The following MXRA7 variants were observed in gnomAD, a reference collection of about 807,000 sequenced individuals.
MXRA7 encodes the protein matrix-remodeling-associated protein 7.
A neutral mutation model predicts 17.4 loss-of-function variants in MXRA7; 18 were observed. The ratio of observed to expected loss-of-function variants is 1.03; its 90% CI spans 0.71 to 1.53. The LOEUF (loss-of-function observed/expected upper bound fraction) is 1.53. Among genes scored for constraint, MXRA7 ranks in the 40% most tolerant of loss-of-function variants. The pLI, the probability that MXRA7 is intolerant of heterozygous loss-of-function variation, is 0.00. For synonymous variants in MXRA7, 70 were observed against 101.7 expected (o/e 0.69, Z 1.87); for missense variants, 141 against 209.3 (o/e 0.67, Z 2.01).
intron 1 of MXRA7, among the ~76,000 whole-genome samples, chr17:76,701,137 A>G (rs1025070195): frequency 6.6e-6 from 1 of 151,822 alleles, no homozygotes; most frequent in African/African-American, 2.4e-5. Context: ...TTGCTGGAAG[A>G]GCCTGGCAGG....
At chr17:76,684,495 G>A (rs966975325) in intron 3 of MXRA7, among the ~76,000 whole-genome samples, 3 of 152,204 alleles carry the variant, frequency 2.0e-5, no homozygotes, top group Non-Finnish European at 4.4e-5. Flanking sequence ...CAGCAGGATG[G>A]TGTGGAGGGA....
intron 1 of MXRA7, among the ~76,000 whole-genome samples, chr17:76,701,952 G>A (rs1380198833): frequency 6.6e-6 from 1 of 152,116 alleles, no homozygotes; most frequent in Non-Finnish European, 1.5e-5. Context: ...GACACCAAAA[G>A]CTTCATTTAA....
chr17:76,697,346 C>T (rs558870503), intron 1 of MXRA7, among the ~76,000 whole-genome samples: 1 of 152,314 alleles, frequency 6.6e-6, no homozygotes, highest in South Asian at 2.1e-4. Flanking sequence ...GAACTTGGCC[C>T]TCCAGTCTGC....
chr17:76,696,082 G>A (rs893822295), intron 1 of MXRA7, among the ~76,000 whole-genome samples: 6 of 152,014 alleles, frequency 3.9e-5, no homozygotes, highest in East Asian at 3.9e-4. Context: ...GTGACAGAGC[G>A]TGACTCTATC....
chr17:76,688,792 C>G, intron 1 of MXRA7: 34 of 730,554 alleles, frequency 4.7e-5, no homozygotes, highest in Non-Finnish European at 6.4e-5. Context: ...AGGATGAGAG[C>G]GACGTGCCGT....
chr17:76,686,753 C>T (rs1050737070), intron 2 of MXRA7, among the ~76,000 whole-genome samples: 1 of 152,126 alleles, frequency 6.6e-6, no homozygotes, highest in Non-Finnish European at 1.5e-5. Context: ...GTCATTTTAG[C>T]GACACTAATA....
intron 1 of MXRA7, 91 bp from the exon 2 acceptor site, chr17:76,688,267 C>G: frequency 6.4e-7 from 1 of 1,566,860 alleles, no homozygotes; most frequent in Non-Finnish European, 8.6e-7. Context: ...CAGAGGAGGC[C>G]CTCGAAGGTC....
intron 1 of MXRA7, among the ~76,000 whole-genome samples, chr17:76,699,830 CAAG>C (rs1269545000): frequency 1.3e-5 from 2 of 152,208 alleles, no homozygotes; most frequent in African/African-American, 4.8e-5. Flanking sequence ...GAGACTGCTG[CAAG>C]GAGGAGGGGA....
rs538147839 is a variant in MXRA7, at chr17:76,707,069, G to A, written c.342+3536C>T. On this transcript the variant is annotated intron_variant, in intron 1 of 3. Coordinates refer to ENST00000449428, the MANE Select transcript of MXRA7 (RefSeq NM_198530.4). The stretch of plus-strand genomic sequence containing the variant: ...CGGTATCGTACACAAAAAATTCAGC[G>A]TTGATTCAATAAGCTTACCTAACAC... Among the ~76,000 whole-genome samples, 17 of 152,236 alleles carry A rather than the reference G, an allele frequency of 1.1e-4. No individual in the cohort carries two copies. The East Asian group carries it at 2.9e-3, about 26-fold the overall frequency.
intron 3 of MXRA7, chr17:76,683,749 A>G (rs2076344933): frequency 6.2e-6 from 5 of 802,086 alleles, no homozygotes; most frequent in Non-Finnish European, 1.1e-5. Context: ...TATGAAGGCG[A>G]TGGAGGAGGG....
At chr17:76,694,877 A>G (rs1402848496) in intron 1 of MXRA7, among the ~76,000 whole-genome samples, 2 of 151,856 alleles carry the variant, frequency 1.3e-5, no homozygotes, top group Non-Finnish European at 2.9e-5. Flanking sequence ...ACTTTTTTAA[A>G]AAATAACGGG....
At chr17:76,689,034 C>T (rs1285641798) in intron 1 of MXRA7, 1 of 164,454 alleles carries the variant, frequency 6.1e-6, no homozygotes, top group African/African-American at 2.4e-5. Flanking sequence ...AGTGGCAAAC[C>T]CAGAGGGGCC....
intron 1 of MXRA7, among the ~76,000 whole-genome samples, chr17:76,701,721 C>G (rs538359037): frequency 6.6e-6 from 1 of 152,016 alleles, no homozygotes; most frequent in Non-Finnish European, 1.5e-5. Context: ...ACTGTTCCTG[C>G]GAGGAGCCGA....
intron 3 of MXRA7, chr17:76,684,674 C>T (rs912773732): frequency 1.8e-5 from 8 of 444,970 alleles, no homozygotes; most frequent in African/African-American, 4.1e-5. Context: ...CGCTGTGTCC[C>T]GAAGGAGAAA....
chr17:76,679,476 TAAGAGGCATCAAAA>T (rs1382776897), downstream of MXRA7: 2 of 390,732 alleles, frequency 5.1e-6, no homozygotes, highest in Non-Finnish European at 7.0e-6. Context: ...TGCTGCAGAG[TAAGAGGCATCAAAA>T]TGAAAGAAAG....
intron 1 of MXRA7, among the ~76,000 whole-genome samples, chr17:76,699,423 G>A (rs778212535): frequency 6.6e-6 from 1 of 152,298 alleles, no homozygotes; most frequent in African/African-American, 2.4e-5. Flanking sequence ...TGGGATTACA[G>A]GCAGAAGCCA....
intron 2 of MXRA7, among the ~76,000 whole-genome samples, chr17:76,685,929 C>T (rs1428060798): frequency 6.6e-6 from 1 of 152,206 alleles, no homozygotes; most frequent in Non-Finnish European, 1.5e-5. Flanking sequence ...CAGCAGGTGT[C>T]GGGCAGAGCT....
chr17:76,678,763 G>T (rs1030669922), downstream of MXRA7, among the ~76,000 whole-genome samples: 1 of 152,140 alleles, frequency 6.6e-6, no homozygotes, highest in African/African-American at 2.4e-5. Flanking sequence ...CTGGAGGGGT[G>T]GTCTCCACGT....
rs1231973148 is a variant in MXRA7 at position 76,685,053 on chromosome 17, C to T, written c.500+19G>A. 1.7e-5 allele frequency: 27 copies of T among 1,609,098 alleles called. No homozygotes were observed. Among genetic ancestry groups the T allele is most frequent in the East Asian group, 2.2e-5 (1 of 44,842 alleles). ...CCCCCAAGAGCCCGCCAGGCGCCAG[C>T]GAAGGGGCTGCAGCCTACCTCTGCT... is the stretch of plus-strand genomic sequence containing the variant. On this transcript the variant is annotated intron_variant, in intron 3 of 3. Coordinates refer to ENST00000449428, the MANE Select transcript of MXRA7 (RefSeq NM_198530.4).
Sources: gnomAD v4.1 joint callset for allele counts (sites outside exome capture counted in the v4.1 genomes callset) on GRCh38, gnomAD v4.1.1 for gene constraint, MANE v1.5 for transcripts, NCBI Gene and HGNC (gene_info 2026-07-23, HGNC 2026-07-21) for gene names.